COL27A1: variants seen among roughly 807,000 people sequenced by gnomAD.
The protein encoded by COL27A1 is collagen alpha-1(XXVII) chain.
In COL27A1, 106 loss-of-function variants were observed where a neutral mutation model predicts 251.3. That is an observed-to-expected ratio of 0.42 (90% CI 0.36 to 0.50). COL27A1 has a LOEUF of 0.50. Among genes scored for constraint, COL27A1 ranks in the 20% least tolerant of loss-of-function variants. The pLI, the probability that COL27A1 is intolerant of heterozygous loss-of-function variation, is 0.00. For missense variants in COL27A1, 2,325 were observed against 2,522.8 expected (o/e 0.92, Z 1.68); for synonymous variants, 1,000 against 986.3 (o/e 1.01, Z -0.26).
At chr9:114,253,956 G>T (rs538835853) in intron 27 of COL27A1, among the ~76,000 whole-genome samples, 1 of 152,014 alleles carries the variant, frequency 6.6e-6, no homozygotes, top group Non-Finnish European at 1.5e-5. Flanking sequence ...AGAGATTCTC[G>T]TGCCTCAGCC....
At chr9:114,223,527 A>C (rs1167785722) in intron 14 of COL27A1, among the ~76,000 whole-genome samples, 1 of 151,968 alleles carries the variant, frequency 6.6e-6, no homozygotes, top group Non-Finnish European at 1.5e-5. Context: ...TGACTTTGCT[A>C]CCTCCTGACT....
At chr9:114,262,350 G>A (rs1834402378) in intron 28 of COL27A1, among the ~76,000 whole-genome samples, 2 of 152,212 alleles carry the variant, frequency 1.3e-5, no homozygotes, top group African/African-American at 4.8e-5. Context: ...GCCCCGTAAT[G>A]CCCACTAGAG....
intron 1 of COL27A1, among the ~76,000 whole-genome samples, chr9:114,158,287 G>A (rs768824794): frequency 2.0e-5 from 3 of 152,218 alleles, no homozygotes; most frequent in Non-Finnish European, 2.9e-5. Flanking sequence ...GACTGTTGAA[G>A]CTGGTGTGGG....
chr9:114,253,315 GAA>G (rs1833680477), intron 27 of COL27A1, among the ~76,000 whole-genome samples: 3 of 148,798 alleles, frequency 2.0e-5, no homozygotes, highest in East Asian at 3.9e-4. Flanking sequence ...AAGAAAGAAA[GAA>G]AGAGAGAGGA....
rs561737119 is a variant in COL27A1 at position 114,263,943 on chromosome 9, T to TTCTGCCCCGTGTGTGC, written c.3196-407_3196-392dup. Among the ~76,000 whole-genome samples, 6 of 152,348 alleles carry TTCTGCCCCGTGTGTGC rather than the reference T, an allele frequency of 3.9e-5. No homozygotes were observed. In the South Asian group the frequency reaches 1.0e-3, roughly 26 times the overall value. On this transcript the variant is annotated intron_variant, in intron 28 of 60. Transcript: ENST00000356083. ...TCTGTCAGTTTCCCCTGAGGGCTGTTTCTGCCCCGTGTGTGCTCTGGGAAT... is the reference window on the plus strand; with the variant it reads ...TCTGTCAGTTTCCCCTGAGGGCTGTTTCTGCCCCGTGTGTGCTCTGCCCCGTGTGTGCTCTGGGAAT...
chr9:114,183,851 A>G (rs1828131681), intron 5 of COL27A1, among the ~76,000 whole-genome samples: 2 of 152,162 alleles, frequency 1.3e-5, no homozygotes, highest in African/African-American at 2.4e-5. Flanking sequence ...ATTCACTTTT[A>G]ATGAGACCTT....
At position 114,159,520 on chromosome 9, in the gene COL27A1, C is replaced by T. The variant is rs149974438; in HGVS notation, c.63-3195C>T. On this transcript the variant is annotated intron_variant, in intron 1 of 60. Coordinates refer to ENST00000356083, the MANE Select transcript of COL27A1 (RefSeq NM_032888.4). ...GAGATGGAACAGAAATAAATGGGAT[C>T]GCAGGAACACAGGAAGGCAAGGGGT... is the stretch of plus-strand genomic sequence containing the variant. Among the ~76,000 whole-genome samples, 219 of 152,208 alleles carry T rather than the reference C, an allele frequency of 1.4e-3. 1 individual carries two copies. The highest frequency in any genetic ancestry group is 5.1e-3 in the African/African-American group (210 of 41,516).
chr9:114,196,192 G>C (rs944389909), intron 7 of COL27A1, among the ~76,000 whole-genome samples, 180 bp downstream of exon 7: 2 of 152,212 alleles, frequency 1.3e-5, no homozygotes, highest in African/African-American at 4.8e-5. Flanking sequence ...TGAGGGCAGG[G>C]AATACCTCGG....
intron 27 of COL27A1, among the ~76,000 whole-genome samples, chr9:114,254,277 A>C (rs1414739921): frequency 1.4e-5 from 2 of 147,280 alleles, no homozygotes; most frequent in African/African-American, 5.0e-5. Context: ...CTCTCAAGGC[A>C]GAGTGGTGGG....
chr9:114,178,788 G>A (rs1827673342), intron 4 of COL27A1, among the ~76,000 whole-genome samples: 1 of 152,156 alleles, frequency 6.6e-6, no homozygotes, highest in African/African-American at 2.4e-5. Flanking sequence ...TCCTCCTGCT[G>A]GAGAGAGGCT....
chr9:114,202,779 C>T (rs1422220614), intron 7 of COL27A1, among the ~76,000 whole-genome samples: 1 of 152,042 alleles, frequency 6.6e-6, no homozygotes, highest in Non-Finnish European at 1.5e-5. Flanking sequence ...TGGAGCCAGC[C>T]CTGTGTTCAT....
In COL27A1 at chr9:114,299,667, C is replaced by G. The variant is rs574402484; in HGVS notation, c.4585-403C>G. Among the ~76,000 whole-genome samples the G allele has an allele frequency of 1.1e-3, 170 of 152,332 alleles. 3 individuals carry two copies. Among genetic ancestry groups the G allele is most frequent in the African/African-American group, 3.8e-3 (158 of 41,580 alleles). ...AGTGTGGCGGTCCAGGCAAAACATC[C>G]GGCACCTAACAGGCCCTCAGTGAAC... On this transcript the variant is annotated intron_variant, in intron 49 of 60. Coordinates refer to ENST00000356083, the MANE Select transcript of COL27A1 (RefSeq NM_032888.4).
intron 17 of COL27A1, 52 bp from the exon 18 acceptor site, chr9:114,236,929 C>A: frequency 6.3e-7 from 1 of 1,578,600 alleles, no homozygotes; most frequent in Non-Finnish European, 8.7e-7. Flanking sequence ...CGGCTGTTCA[C>A]CTGGCCATTT....
intron 3 of COL27A1, among the ~76,000 whole-genome samples, chr9:114,177,774 T>C (rs1827587232): frequency 6.6e-6 from 1 of 152,226 alleles, no homozygotes; most frequent in African/African-American, 2.4e-5. Flanking sequence ...GGGGCAGAGA[T>C]ACTTGGTGTG....
rs1829377981 is a variant in COL27A1, at chr9:114,310,577, T to C, written c.5465T>C (p.Leu1822Pro). 1.9e-6 allele frequency: 3 copies of C among 1,614,220 alleles called. No individual in the cohort carries two copies. Among genetic ancestry groups the C allele is most frequent in the African/African-American group, 1.3e-5 (1 of 75,052 alleles). The change falls in exon 61 of 61, where the codon CTC becomes CCC. Residue 1822 changes from leucine to proline, a missense_variant. By Grantham distance (98) the Leu-to-Pro change is moderately conservative (BLOSUM62 -3). This residue lies in a region of COL27A1 where 327 missense variants were observed against 442.8 expected (regional missense o/e 0.74). Transcript: ENST00000356083. ...KVQDGRWHQT[L>P]FTFRTQDPQQ... The stretch of plus-strand genomic sequence containing the variant: ...CAAGATGGCCGCTGGCATCAGACAC[T>C]CTTCACCTTCCGGACCCAAGACCCC...
chr9:114,249,565 G>A (rs57706306), intron 24 of COL27A1, among the ~76,000 whole-genome samples: 2,267 of 152,292 alleles, frequency 0.015, 59 homozygotes, highest in African/African-American at 0.052. Flanking sequence ...TGTGGCCCTC[G>A]CTGAAGTGAC....
At chr9:114,243,017 A>C (rs1016922196) in intron 22 of COL27A1, among the ~76,000 whole-genome samples, 5 of 152,194 alleles carry the variant, frequency 3.3e-5, no homozygotes, top group Admixed American at 3.3e-4. Context: ...ATTGCGCGCC[A>C]TGCAGCCTCG....
intron 21 of COL27A1, among the ~76,000 whole-genome samples, chr9:114,241,720 G>A (rs562988911): frequency 2.6e-5 from 4 of 152,184 alleles, no homozygotes; most frequent in African/African-American, 9.7e-5. Context: ...GTGATGTTTG[G>A]GGGTGGCTGC....
chr9:114,225,142 G>T (rs561682740), intron 14 of COL27A1, among the ~76,000 whole-genome samples: 59 of 152,244 alleles, frequency 3.9e-4, no homozygotes, highest in Admixed American at 1.5e-3. Flanking sequence ...AACGCTATTT[G>T]CAGTGTCTCT....
Sources: allele counts gnomAD v4.1 joint callset (sites outside exome capture counted in the v4.1 genomes callset), GRCh38; gene constraint gnomAD v4.1.1; regional missense constraint gnomAD v4.1.1; transcripts MANE v1.5; gene names NCBI Gene and HGNC (gene_info 2026-07-23, HGNC 2026-07-21).